Variants in NDE1 observed in about 807,000 individuals in gnomAD.
The protein encoded by NDE1 is nuclear distribution protein nudE homolog 1.
NDE1 carries 28 observed loss-of-function variants against 43.4 expected under a neutral mutation model. The observed-to-expected ratio is 0.65, with a 90% CI of 0.48 to 0.89. The LOEUF (loss-of-function observed/expected upper bound fraction) is 0.89. Ranked by LOEUF, NDE1 falls within the 40% of genes least tolerant of loss-of-function variation. The pLI, the probability that NDE1 is intolerant of heterozygous loss-of-function variation, is 0.00. For missense variants in NDE1, 441 were observed against 434.1 expected, an observed-to-expected ratio of 1.02 and a Z score of -0.14; for synonymous variants, 184 against 172.0, an observed-to-expected ratio of 1.07 and a Z score of -0.55.
At chr16:15,661,171 T>C in intron 1 of NDE1, among the ~76,000 whole-genome samples, 1 of 151,508 alleles carries the variant, frequency 6.6e-6, no homozygotes. Flanking sequence ...TTTTTTTTTT[T>C]TGAGTCTCGC....
intron 5 of NDE1, among the ~76,000 whole-genome samples, chr16:15,688,487 TGA>T (rs1021024272): frequency 4.0e-5 from 6 of 150,914 alleles, no homozygotes; most frequent in Admixed American, 4.0e-4. Context: ...ATAGAAAACA[TGA>T]GGGTATGGTG....
intron 6 of NDE1, among the ~76,000 whole-genome samples, chr16:15,692,029 A>G (rs2038779917): frequency 6.6e-6 from 1 of 152,152 alleles, no homozygotes; most frequent in South Asian, 2.1e-4. Flanking sequence ...TAATACATCC[A>G]CCGAGAGCTA....
At chr16:15,690,346 T>TTTTTG (rs2038678513) in intron 5 of NDE1, among the ~76,000 whole-genome samples, 1 of 109,518 alleles carries the variant, frequency 9.1e-6, no homozygotes, top group Non-Finnish European at 1.7e-5. Flanking sequence ...CCTTTTTTTT[T>TTTTTG]TTTTTTCTTT....
Position 15,686,293 on chromosome 16 carries a change from A to G in NDE1, c.387-1082A>G, listed in dbSNP as rs1162724803. On this transcript the variant is annotated intron_variant, in intron 4 of 8. Transcript: ENST00000396354. The stretch of plus-strand genomic sequence containing the variant: ...CACCCCTTCCCCACCACAATCCTGC[A>G]TGAAGGTTACTATTACTATCCTTGT... 3 of 858,822 alleles carry G rather than the reference A, an allele frequency of 3.5e-6. No homozygotes were observed. The African/African-American group carries it at 5.5e-5, about 16-fold the overall frequency. The allele number at this position is 858,822 out of a possible 1,614,324, so 53.2% of individuals were successfully genotyped here. A position where few individuals can be genotyped will look rare whatever the true frequency, so the allele number is the denominator to read the frequency against.
intron 1 of NDE1, among the ~76,000 whole-genome samples, chr16:15,653,144 A>AT (rs2036586148): frequency 6.6e-6 from 1 of 152,150 alleles, no homozygotes; most frequent in Admixed American, 6.6e-5. Context: ...ATGGGCACCC[A>AT]TTTTTAACAT....
At chr16:15,719,139 AAAAAT>A (rs1342903676) in intron 8 of NDE1, 12 of 1,429,350 alleles carry the variant, frequency 8.4e-6, no homozygotes, top group Middle Eastern at 3.5e-4. Context: ...AAAAAATTTA[AAAAAT>A]AAAATGGGGG....
At position 15,715,079 on chromosome 16, in the gene NDE1, T is replaced by C. The variant is rs1328469024; in HGVS notation, c.948-9112T>C. 6.3e-6 allele frequency: 10 copies of C among 1,598,772 alleles called. No individual in the cohort carries two copies. The African/African-American group carries it at 8.1e-5, about 13-fold the overall frequency. ...GCTTGACCCTGGCATTGCCTTTCTC[T>C]GCCTGTCGCGGAGAGTTGGAGGGGT... is the stretch of plus-strand genomic sequence containing the variant. On this transcript the variant is annotated intron_variant, in intron 8 of 8. Coordinates refer to ENST00000396354, the MANE Select transcript of NDE1 (RefSeq NM_017668.3).
rs369596410 is a variant in NDE1 at position 15,694,238 on chromosome 16, C to T, written c.777C>T (p.Asp259=). 2 of 1,613,746 alleles carry T rather than the reference C, an allele frequency of 1.2e-6. No individual in the cohort carries two copies. The highest frequency in any genetic ancestry group is 1.7e-6 in the Non-Finnish European group (2 of 1,180,010). ...ARISALNIVG[D]LLRKVGALES... ...TATCAGCCCTCAACATTGTGGGAGA[C>T]CTACTGCGGAAAGTCGGGGTAAGAC... Residue 259 remains aspartate (D), a synonymous_variant, in exon 7 of 9, where the codon GAC becomes GAT. Coordinates refer to ENST00000396354, the MANE Select transcript of NDE1 (RefSeq NM_017668.3).
In NDE1 at chr16:15,720,328, A is replaced by G. The variant is rs756313070; in HGVS notation, c.948-3863A>G. 3.1e-6 allele frequency: 5 copies of G among 1,612,054 alleles called. No individual in the cohort carries two copies. Among genetic ancestry groups the G allele is most frequent in the Non-Finnish European group, 4.2e-6 (5 of 1,179,090 alleles). ...ACTCGTGAAGCTGGGCGAGGAATAG[A>G]GATGTGTGCTGCCCCACTTGCCCCT... On this transcript the variant is annotated intron_variant, in intron 8 of 8. Transcript: ENST00000396354.
At chr16:15,669,642 G>T (rs1167322642) in intron 3 of NDE1, among the ~76,000 whole-genome samples, 1 of 151,628 alleles carries the variant, frequency 6.6e-6, no homozygotes, top group African/African-American at 2.4e-5. Flanking sequence ...TTACAGGTGT[G>T]AGCCACCACG....
At position 15,709,089 on chromosome 16, in the gene NDE1, G is replaced by T. The variant is rs9746950; in HGVS notation, c.947+12229G>T. Among the ~76,000 whole-genome samples, 97,824 of 149,892 alleles carry T rather than the reference G, an allele frequency of 0.65. 31,592 individuals are homozygous for T. The highest frequency in any genetic ancestry group is 0.74 in the Middle Eastern group (209 of 282). On this transcript the variant is annotated intron_variant, in intron 8 of 8. Coordinates refer to ENST00000396354, the MANE Select transcript of NDE1 (RefSeq NM_017668.3). ...TCCCGAGTAGCTGGGATTACAGGCAGGCCCCACGTGCTTGGCTAATTTTTG... is the reference window on the plus strand; with the variant it reads ...TCCCGAGTAGCTGGGATTACAGGCATGCCCCACGTGCTTGGCTAATTTTTG...
Position 15,664,870 on chromosome 16 carries a change from G to A in NDE1, c.83+9G>A, listed in dbSNP as rs751186165. 23 of 1,590,094 alleles carry A rather than the reference G, an allele frequency of 1.4e-5. No individual in the cohort carries two copies. The highest frequency in any genetic ancestry group is 5.4e-5 in the African/African-American group (4 of 73,860). On this transcript the variant is annotated intron_variant, in intron 2 of 8. Coordinates refer to ENST00000396354, the MANE Select transcript of NDE1 (RefSeq NM_017668.3). ...ATGACCTACAAACAGAGGTCAGTCC[G>A]AGTTCACCTGCTTTTCCTTTTTTTT...
chr16:15,719,283 C>A, intron 8 of NDE1: 1 of 1,612,538 alleles, frequency 6.2e-7, no homozygotes, highest in Non-Finnish European at 8.5e-7. Flanking sequence ...CGCTTGTTTG[C>A]GAGCCCTCTC....
At chr16:15,649,000 A>G (rs559225312), upstream of NDE1, among the ~76,000 whole-genome samples, 2 of 152,176 alleles carry the variant, frequency 1.3e-5, no homozygotes. Context: ...ATTCGAGAGC[A>G]GCCTGGCCAA....
At chr16:15,675,471 CTG>C (rs2037821333) in intron 3 of NDE1, among the ~76,000 whole-genome samples, 1 of 148,910 alleles carries the variant, frequency 6.7e-6, no homozygotes, top group African/African-American at 2.5e-5. Context: ...TGGTCTCACT[CTG>C]TGGCCTGGGC....
chr16:15,682,504 A>G (rs2038233248), intron 4 of NDE1, among the ~76,000 whole-genome samples: 2 of 152,210 alleles, frequency 1.3e-5, no homozygotes, highest in Admixed American at 1.3e-4. Flanking sequence ...TCCTTCTTCT[A>G]TACGTCCCTC....
At chr16:15,722,556 T>C (rs1323548163) in intron 8 of NDE1, among the ~76,000 whole-genome samples, 1 of 151,902 alleles carries the variant, frequency 6.6e-6, no homozygotes, top group Non-Finnish European at 1.5e-5. Flanking sequence ...GACAGGAAAA[T>C]AAAAGCAACC....
intron 1 of NDE1, among the ~76,000 whole-genome samples, chr16:15,655,707 T>C (rs2036728421): frequency 6.6e-6 from 1 of 151,914 alleles, no homozygotes; most frequent in Admixed American, 6.6e-5. Flanking sequence ...TTATTCACAA[T>C]AGCAAAGACT....
At chr16:15,710,283 G>T (rs547981787) in intron 8 of NDE1, among the ~76,000 whole-genome samples, 23 of 152,268 alleles carry the variant, frequency 1.5e-4, no homozygotes, top group African/African-American at 5.3e-4. Context: ...AGCACTTTGG[G>T]AGACCGAGGC....
Sources: allele counts gnomAD v4.1 joint callset (sites outside exome capture counted in the v4.1 genomes callset), GRCh38; gene constraint gnomAD v4.1.1; transcripts MANE v1.5; gene names NCBI Gene and HGNC (gene_info 2026-07-23, HGNC 2026-07-21).